Variants in PTK2B observed in about 807,000 individuals in gnomAD.
PTK2B encodes protein tyrosine kinase 2 beta, also known as protein-tyrosine kinase 2-beta.
Under a neutral mutation model 142.9 loss-of-function variants are expected in PTK2B, and 71 were observed. The observed-to-expected ratio is 0.50, with a 90% CI of 0.41 to 0.61. The LOEUF (loss-of-function observed/expected upper bound fraction) is 0.61. Among genes scored for constraint, PTK2B ranks in the 20% least tolerant of loss-of-function variants. PTK2B has a pLI of 0.00. For synonymous variants in PTK2B, 519 were observed against 503.4 expected (o/e 1.03, Z -0.42); for missense variants, 1,105 against 1,320.4 (o/e 0.84, Z 2.53).
chr8:27,400,754 T>C (rs955071958), intron 2 of PTK2B, among the ~76,000 whole-genome samples: 2 of 152,188 alleles, frequency 1.3e-5, no homozygotes, highest in African/African-American at 4.8e-5. Context: ...CAGCTTTACA[T>C]GTGTTGTGTT....
In PTK2B at chr8:27,432,289, C is replaced by T. The variant is rs2132053278; in HGVS notation, c.915C>T (p.Ile305=). Residue 305 remains isoleucine, a synonymous_variant, in exon 10 of 31, where the codon ATC becomes ATT. Transcript: ENST00000346049. ...KPTCLAEFKQ[I]RSIRCLPLEE... ...CCTGCCTGGCCGAGTTCAAGCAGAT[C>T]AGGTCCATCAGGTGCCTCCCGCTGG... 1.2e-6 allele frequency: 2 copies of T among 1,614,122 alleles called. No homozygotes were observed. Among genetic ancestry groups the T allele is most frequent in the Non-Finnish European group, 1.7e-6 (2 of 1,180,026 alleles).
chr8:27,367,970 G>C (rs1406167624), intron 1 of PTK2B, among the ~76,000 whole-genome samples: 1 of 152,232 alleles, frequency 6.6e-6, no homozygotes, highest in East Asian at 1.9e-4. Context: ...CCGTATCAGG[G>C]TCTCTGATTC....
chr8:27,425,684 G>T (rs1340608272), intron 5 of PTK2B, among the ~76,000 whole-genome samples: 2 of 152,124 alleles, frequency 1.3e-5, no homozygotes, highest in East Asian at 3.8e-4. Flanking sequence ...TATGTTCTAT[G>T]GGTTTGGCTA....
chr8:27,310,681 G>A, upstream of PTK2B: 1 of 1,198,842 alleles, frequency 8.3e-7, no homozygotes, highest in Non-Finnish European at 1.2e-6. Flanking sequence ...GGTCCTGCAT[G>A]CTGGGAGCGA....
chr8:27,318,284 G>A (rs1036592147), intron 3 of PTK2B, among the ~76,000 whole-genome samples: 3 of 152,160 alleles, frequency 2.0e-5, no homozygotes, highest in African/African-American at 7.2e-5. Context: ...CACACGGTGG[G>A]CTGGGACCAG....
intron 4 of PTK2B, among the ~76,000 whole-genome samples, chr8:27,421,086 G>T (rs2131840986): frequency 6.6e-6 from 1 of 152,228 alleles, no homozygotes; most frequent in South Asian, 2.1e-4. Flanking sequence ...CACTAATCTA[G>T]CTCTGCCATT....
chr8:27,367,967 A>G (rs965540547), intron 1 of PTK2B, among the ~76,000 whole-genome samples: 1 of 152,230 alleles, frequency 6.6e-6, no homozygotes, highest in Admixed American at 6.5e-5. Context: ...AAACCGTATC[A>G]GGGTCTCTGA....
intron 30 of PTK2B, 36 bp from the exon 31 acceptor site, chr8:27,458,258 T>C: frequency 6.3e-7 from 1 of 1,590,862 alleles, no homozygotes; most frequent in East Asian, 2.2e-5. Flanking sequence ...ACAGACTTTG[T>C]GGCCTCTCAA....
At chr8:27,387,514 C>G (rs577386644) in intron 1 of PTK2B, among the ~76,000 whole-genome samples, 1 of 152,220 alleles carries the variant, frequency 6.6e-6, no homozygotes, top group Non-Finnish European at 1.5e-5. Context: ...CCATGACTCA[C>G]TCTCTCTTTG....
intron 1 of PTK2B, among the ~76,000 whole-genome samples, chr8:27,370,255 C>T (rs1019530482): frequency 2.0e-5 from 3 of 152,236 alleles, no homozygotes; most frequent in Non-Finnish European, 2.9e-5. Flanking sequence ...AGCAGATGTG[C>T]ACTACCCAGT....
At position 27,458,818 on chromosome 8, in the gene PTK2B, GA is replaced by G. The variant is rs1422195343; in HGVS notation, c.*310del. 2.1e-6 allele frequency: 1 copy of G among 474,082 alleles called. No individual in the cohort carries two copies. Among genetic ancestry groups the G allele is most frequent in the African/African-American group, 1.9e-5 (1 of 51,632 alleles). The allele number at this position is 474,082 out of a possible 1,614,324, so 29.4% of individuals were successfully genotyped here. On this transcript the variant is annotated 3_prime_UTR_variant, in exon 31 of 31. Coordinates refer to ENST00000346049, the MANE Select transcript of PTK2B (RefSeq NM_173176.3). ...CATGCAGGGGGCTCCTGGGGGTGGG[GA>G]GGTGTCACATGGTGCCCCTAGCTTT...
intron 1 of PTK2B, among the ~76,000 whole-genome samples, chr8:27,327,768 A>G (rs1586083280): frequency 6.6e-6 from 1 of 152,248 alleles, no homozygotes; most frequent in African/African-American, 2.4e-5. Flanking sequence ...GTTCAAATCC[A>G]TGTAGACCGG....
In PTK2B at chr8:27,311,599, G is replaced by C. The variant is rs991459421; in HGVS notation, c.-691G>C. ...GAAACCTACTTCCGGCTGCAAATGG[G>C]AAAAGGAGCCTCTACCTTAACCAAT... On this transcript the variant is annotated 5_prime_UTR_variant, in exon 1 of 36. Transcript: ENST00000397501. The C allele has an allele frequency of 8.5e-5, 26 of 306,042 alleles. 1 individual carries two copies. Among genetic ancestry groups the C allele is most frequent in the African/African-American group, 5.7e-4 (26 of 45,790 alleles). The allele number at this position is 306,042 out of a possible 1,614,324, so 19.0% of individuals were successfully genotyped here.
At chr8:27,380,463 A>AG (rs1192099460) in intron 1 of PTK2B, among the ~76,000 whole-genome samples, 2 of 152,178 alleles carry the variant, frequency 1.3e-5, no homozygotes, top group African/African-American at 2.4e-5. Flanking sequence ...CTACTTTGGA[A>AG]GCCTCGTGGC....
intron 3 of PTK2B, among the ~76,000 whole-genome samples, chr8:27,316,688 C>T (rs888600537): frequency 3.9e-5 from 6 of 152,160 alleles, no homozygotes; most frequent in Non-Finnish European, 8.8e-5. Flanking sequence ...GTCCGATGTA[C>T]CTTTACTGAG....
In PTK2B at chr8:27,367,410, G is replaced by A. The variant is rs542850163; in HGVS notation, c.-37-30138G>A. On this transcript the variant is annotated intron_variant, in intron 1 of 30. Coordinates refer to ENST00000346049, the MANE Select transcript of PTK2B (RefSeq NM_173176.3). ...GTGAGGGACTGAACAGCCCAGGTGCGGGGTGTCTGGGCTTGCCCACCTGTC... is the reference window on the plus strand; with the variant it reads ...GTGAGGGACTGAACAGCCCAGGTGCAGGGTGTCTGGGCTTGCCCACCTGTC... Among the ~76,000 whole-genome samples, 14 of 152,264 alleles carry A rather than the reference G, an allele frequency of 9.2e-5. No homozygotes were observed. In the South Asian group the frequency reaches 1.2e-3, roughly 14 times the overall value.
chr8:27,365,072 C>T (rs1242525772), intron 1 of PTK2B, among the ~76,000 whole-genome samples: 2 of 152,346 alleles, frequency 1.3e-5, no homozygotes, highest in Middle Eastern at 3.4e-3. Flanking sequence ...CCCACGTCTT[C>T]TTGTTTGCAA....
intron 1 of PTK2B, among the ~76,000 whole-genome samples, chr8:27,327,187 G>A (rs771822343): frequency 7.9e-5 from 12 of 152,210 alleles, no homozygotes; most frequent in Non-Finnish European, 1.5e-4. Flanking sequence ...AGCTGGGCTT[G>A]TTGGGAACCT....
intron 23 of PTK2B, among the ~76,000 whole-genome samples, chr8:27,445,484 A>G (rs1811409712): frequency 6.6e-6 from 1 of 152,176 alleles, no homozygotes; most frequent in African/African-American, 2.4e-5. Context: ...TCTGTAATGC[A>G]ACTGAAACAA....
Sources: allele counts gnomAD v4.1 joint callset (sites outside exome capture counted in the v4.1 genomes callset), GRCh38; gene constraint gnomAD v4.1.1; transcripts MANE v1.5; gene names NCBI Gene and HGNC (gene_info 2026-07-23, HGNC 2026-07-21).